Variants in KDM6A observed in about 807,000 individuals in gnomAD.
KDM6A encodes the protein lysine-specific demethylase 6A.
KDM6A carries 11 observed loss-of-function variants against 117.6 expected under a neutral mutation model. That is an observed-to-expected ratio of 0.09 (90% CI 0.06 to 0.15). The LOEUF (loss-of-function observed/expected upper bound fraction) is 0.15. Among genes scored for constraint, KDM6A ranks in the 10% least tolerant of loss-of-function variants. KDM6A has a pLI of 1.00. For synonymous variants in KDM6A, 384 were observed against 396.1 expected, an observed-to-expected ratio of 0.97 and a Z score of 0.36; for missense variants, 799 against 1,077.3, an observed-to-expected ratio of 0.74 and a Z score of 3.62.
intron 27 of KDM6A, among the ~76,000 whole-genome samples, chrX:45,091,208 G>A (rs2045881153): frequency 9.0e-6 from 1 of 111,245 alleles, no homozygotes; most frequent in Admixed American, 9.6e-5. Context: ...CAGAATATTT[G>A]TTGTCACAGA....
chrX:44,938,374 C>T (rs1389605107), intron 2 of KDM6A, among the ~76,000 whole-genome samples: 2 of 111,872 alleles, frequency 1.8e-5, no homozygotes, highest in African/African-American at 3.3e-5. Flanking sequence ...GGTGGAAAAT[C>T]GAACCAGCCC....
chrX:44,920,967 C>T (rs1397838480), intron 2 of KDM6A, among the ~76,000 whole-genome samples: 1 of 104,377 alleles, frequency 9.6e-6, no homozygotes, highest in Non-Finnish European at 2.0e-5. Flanking sequence ...CTCCGCCTCT[C>T]GGGTTCAAGC....
intron 2 of KDM6A, among the ~76,000 whole-genome samples, chrX:44,914,752 C>T (rs1045605195): frequency 9.1e-6 from 1 of 109,963 alleles, no homozygotes; most frequent in African/African-American, 3.3e-5. Flanking sequence ...TCTGTAATAC[C>T]ACCCTTCTTA....
chrX:45,099,646 G>A (rs777265113), intron 27 of KDM6A, among the ~76,000 whole-genome samples: 22 of 111,549 alleles, frequency 2.0e-4, no homozygotes, highest in Non-Finnish European at 3.2e-4. Context: ...TAAAATTAGG[G>A]GTGAGGAGAT....
At chrX:45,012,245 G>T (rs1439294179) in intron 5 of KDM6A, among the ~76,000 whole-genome samples, 1 of 90,844 alleles carries the variant, frequency 1.1e-5, no homozygotes, top group Admixed American at 1.4e-4. Flanking sequence ...CTGTCGCCCA[G>T]GCTGGAGAGC....
chrX:44,992,572 A>G (rs755288520), intron 4 of KDM6A, among the ~76,000 whole-genome samples: 2 of 102,269 alleles, frequency 2.0e-5, no homozygotes, highest in South Asian at 4.4e-4. Context: ...TTTTTTTGAG[A>G]TGGAATCTCA....
At position 45,042,269 on chromosome X, in the gene KDM6A, AG is replaced by A. The variant is rs1569528706; in HGVS notation, c.654+4584del. 6.9e-3 allele frequency among the ~76,000 whole-genome samples: 58 copies of A among 8,456 alleles called. 5 individuals are homozygous for A. In the African/African-American group the frequency reaches 0.1, roughly 15 times the overall value. 7.3% of individuals were successfully genotyped at this position (8,456 alleles called of 115,157 possible). On this transcript the variant is annotated intron_variant, in intron 8 of 29. Coordinates refer to ENST00000611820, the MANE Select transcript of KDM6A (RefSeq NM_001291415.2). ...AGGAGACCGTGGAGGGAGAGGGGAG[AG>A]GGGAGAGGGGAGAGGGGAGAGGGGA...
chrX:44,896,578 CT>C (rs1263861478), intron 2 of KDM6A, among the ~76,000 whole-genome samples: 7 of 92,321 alleles, frequency 7.6e-5, no homozygotes, highest in African/African-American at 1.6e-4. Context: ...TTCCAAAGTT[CT>C]TTTTTTTTTC....
chrX:44,909,307 G>T (rs1357381476), intron 2 of KDM6A, among the ~76,000 whole-genome samples: 1 of 111,725 alleles, frequency 9.0e-6, no homozygotes, highest in Non-Finnish European at 1.9e-5. Flanking sequence ...TTTTATTGCT[G>T]AATAGTATTC....
chrX:45,068,551 C>G (rs181544435), intron 17 of KDM6A, among the ~76,000 whole-genome samples: 2 of 88,712 alleles, frequency 2.3e-5, no homozygotes, highest in East Asian at 6.1e-4. Context: ...CTTTTTCTCC[C>G]CTTTTTTTTT....
At chrX:44,884,004 A>T (rs1276648948) in intron 2 of KDM6A, among the ~76,000 whole-genome samples, 1 of 101,946 alleles carries the variant, frequency 9.8e-6, no homozygotes, top group Non-Finnish European at 2.0e-5. Flanking sequence ...TGGGAGGCTG[A>T]GGCAGGAGAA....
chrX:45,072,861 A>G (rs772083535), intron 18 of KDM6A, among the ~76,000 whole-genome samples: 111 of 104,275 alleles, frequency 1.1e-3, no homozygotes, highest in South Asian at 3.9e-3. Context: ...TTAAAAAAAT[A>G]TAATAATATA....
At chrX:44,956,900 C>T (rs1434061286) in intron 2 of KDM6A, among the ~76,000 whole-genome samples, 5 of 110,255 alleles carry the variant, frequency 4.5e-5, no homozygotes, top group Non-Finnish European at 9.5e-5. Context: ...GAGGCTGAGG[C>T]GGGCGGATCA....
chrX:45,004,923 G>C (rs2041354783), intron 4 of KDM6A, among the ~76,000 whole-genome samples: 1 of 109,968 alleles, frequency 9.1e-6, no homozygotes. Flanking sequence ...CTAAGAATTG[G>C]GCAATTTGGT....
intron 4 of KDM6A, 138 bp from the exon 5 acceptor site, chrX:45,010,823 G>C: frequency 2.2e-6 from 1 of 452,129 alleles, no homozygotes; most frequent in Non-Finnish European, 3.8e-6. Flanking sequence ...CTGTTATTTT[G>C]GTGTTTTAAA....
At chrX:44,965,749 T>C (rs2038975451) in intron 3 of KDM6A, among the ~76,000 whole-genome samples, 2 of 112,139 alleles carry the variant, frequency 1.8e-5, no homozygotes, top group South Asian at 7.4e-4. Flanking sequence ...GGAATATTGG[T>C]TTACCAAAAT....
intron 2 of KDM6A, among the ~76,000 whole-genome samples, chrX:44,924,356 A>G (rs1011908297): frequency 8.9e-6 from 1 of 112,026 alleles, no homozygotes; most frequent in Admixed American, 9.5e-5. Flanking sequence ...TGCTTTCTGT[A>G]TACTATCATT....
intron 8 of KDM6A, among the ~76,000 whole-genome samples, chrX:45,045,278 A>G (rs1335326565): frequency 9.1e-6 from 1 of 110,243 alleles, no homozygotes; most frequent in Admixed American, 9.7e-5. Flanking sequence ...TGAGTTGACC[A>G]CTCTAGGTAT....
At chrX:44,882,580 A>G (rs1283554211) in intron 2 of KDM6A, among the ~76,000 whole-genome samples, 2 of 112,544 alleles carry the variant, frequency 1.8e-5, no homozygotes, top group East Asian at 2.8e-4. Context: ...AGAATATTAC[A>G]TAATATGTGA....
Sources: gnomAD v4.1 joint callset for allele counts (sites outside exome capture counted in the v4.1 genomes callset) on GRCh38, gnomAD v4.1.1 for gene constraint, MANE v1.5 for transcripts, NCBI Gene and HGNC (gene_info 2026-07-23, HGNC 2026-07-21) for gene names.